FAR2: variants seen among roughly 807,000 people sequenced by gnomAD.
FAR2 encodes the protein fatty acyl-CoA reductase 2.
Under a neutral mutation model 56.0 loss-of-function variants are expected in FAR2, and 19 were observed. The ratio of observed to expected loss-of-function variants is 0.34; its 90% confidence interval spans 0.24 to 0.50. FAR2 has a LOEUF of 0.50. Ranked by LOEUF, FAR2 falls within the 20% of genes least tolerant of loss-of-function variation. The pLI is 0.98. For synonymous variants in FAR2, 219 were observed against 218.8 expected, an observed-to-expected ratio of 1.00 and a Z score of -0.01; for missense variants, 508 against 642.2, an observed-to-expected ratio of 0.79 and a Z score of 2.26.
At chr12:29,233,019 C>A (rs866026923) in intron 1 of FAR2, among the ~76,000 whole-genome samples, 5 of 152,140 alleles carry the variant, frequency 3.3e-5, no homozygotes, top group South Asian at 2.1e-4. Flanking sequence ...TATTCTCTGA[C>A]CTTATTCAGT....
chr12:29,228,831 G>A (rs1028577374), intron 1 of FAR2, among the ~76,000 whole-genome samples: 3 of 152,116 alleles, frequency 2.0e-5, no homozygotes, highest in Non-Finnish European at 2.9e-5. Context: ...CAAGTGATCC[G>A]CTGGCCTTGC....
intron 1 of FAR2, among the ~76,000 whole-genome samples, chr12:29,173,401 G>A (rs1003565718): frequency 5.1e-4 from 78 of 152,136 alleles, no homozygotes; most frequent in Admixed American, 4.5e-3. Context: ...CTGAGAGGTC[G>A]TCTAGTGGGA....
chr12:29,328,177 GA>G (rs1289784248), intron 10 of FAR2, among the ~76,000 whole-genome samples: 1 of 152,118 alleles, frequency 6.6e-6, no homozygotes, highest in Non-Finnish European at 1.5e-5. Flanking sequence ...CTGGCCATCA[GA>G]GAAATGCAAA....
intron 1 of FAR2, among the ~76,000 whole-genome samples, chr12:29,260,974 A>G (rs1354505787): frequency 1.3e-5 from 2 of 152,222 alleles, no homozygotes; most frequent in Non-Finnish European, 2.9e-5. Context: ...GTGACAAAAG[A>G]CATAGATCAC....
At chr12:29,201,104 A>G (rs1412838586) in intron 1 of FAR2, among the ~76,000 whole-genome samples, 1 of 152,052 alleles carries the variant, frequency 6.6e-6, no homozygotes, top group African/African-American at 2.4e-5. Context: ...TGGATGCCCT[A>G]TACATCATCT....
At chr12:29,223,050 C>T (rs1565477270) in intron 1 of FAR2, among the ~76,000 whole-genome samples, 1 of 152,046 alleles carries the variant, frequency 6.6e-6, no homozygotes, top group African/African-American at 2.4e-5. Flanking sequence ...CAGGTACTGT[C>T]CTGAATCATT....
intron 1 of FAR2, among the ~76,000 whole-genome samples, chr12:29,266,450 T>C (rs749869425): frequency 6.6e-6 from 1 of 152,038 alleles, no homozygotes; most frequent in Non-Finnish European, 1.5e-5. Flanking sequence ...AACTAAAAAT[T>C]AAAACAATTG....
chr12:29,246,793 A>G (rs570723181), intron 1 of FAR2, among the ~76,000 whole-genome samples: 80 of 152,246 alleles, frequency 5.3e-4, no homozygotes, highest in Non-Finnish European at 7.4e-4. Flanking sequence ...ACAAATGCCT[A>G]AAACTTTTGC....
chr12:29,317,895 A>C (rs1949480709), intron 9 of FAR2: 1 of 152,680 alleles, frequency 6.5e-6, no homozygotes, highest in Non-Finnish European at 1.5e-5. Context: ...GCCGAGTCTC[A>C]AAGTCAGTAT....
rs544709604 is a variant in FAR2 at position 29,149,352 on chromosome 12, A to C, written c.-94A>C. 5 of 152,644 alleles carry C rather than the reference A, an allele frequency of 3.3e-5. No homozygotes were observed. In the East Asian group the frequency reaches 9.7e-4, roughly 29 times the overall value. The allele number at this position is 152,644 out of a possible 1,614,324, so 9.5% of individuals were successfully genotyped here. On this transcript the variant is annotated 5_prime_UTR_variant, in exon 1 of 12. Transcript: ENST00000536681. ...GGAGCGCTTCCCGTAGCCTCGGGGA[A>C]GGAGCAGGATTTAGAGGACCACTAG...
chr12:29,303,284 T>C (rs1949205871), intron 4 of FAR2, among the ~76,000 whole-genome samples: 1 of 152,210 alleles, frequency 6.6e-6, no homozygotes, highest in Non-Finnish European at 1.5e-5. Flanking sequence ...TTCATATTTA[T>C]GAGCAGGCAA....
intron 1 of FAR2, among the ~76,000 whole-genome samples, chr12:29,153,851 A>G (rs959402321): frequency 2.0e-5 from 3 of 152,160 alleles, no homozygotes; most frequent in African/African-American, 7.2e-5. Flanking sequence ...TTTAATAGAT[A>G]CTGCTAAATG....
intron 1 of FAR2, among the ~76,000 whole-genome samples, chr12:29,259,281 T>C (rs1948377808): frequency 6.6e-6 from 1 of 152,200 alleles, no homozygotes; most frequent in African/African-American, 2.4e-5. Flanking sequence ...CCGGGGATGC[T>C]GCTAAGCATC....
At chr12:29,241,579 GT>G (rs1459138961) in intron 1 of FAR2, among the ~76,000 whole-genome samples, 6 of 152,022 alleles carry the variant, frequency 3.9e-5, no homozygotes, top group Non-Finnish European at 1.5e-5. Context: ...ACACTGAGGT[GT>G]TTTTTGCAGA....
chr12:29,220,857 A>G (rs1947679191), intron 1 of FAR2, among the ~76,000 whole-genome samples: 3 of 152,148 alleles, frequency 2.0e-5, no homozygotes, highest in Admixed American at 2.0e-4. Context: ...AAGAGGGCCA[A>G]GCAGGCGACG....
intron 2 of FAR2, among the ~76,000 whole-genome samples, chr12:29,286,571 T>C (rs1948879697): frequency 1.3e-5 from 2 of 152,232 alleles, no homozygotes; most frequent in Non-Finnish European, 2.9e-5. Context: ...CTAGCCACCC[T>C]AGCTCTTTTC....
rs368769195 is a variant in FAR2, at chr12:29,213,128, T to C, written c.-38-57284T>C. Among the ~76,000 whole-genome samples the C allele has an allele frequency of 1.5e-3, 222 of 152,166 alleles. 1 individual carries two copies. The South Asian group carries it at 0.022, about 15-fold the overall frequency. ...TTTATCCCTACAGAATATCTCTGCC[T>C]TGTAAGTCTCCTATTCAGAAGCATT... On this transcript the variant is annotated intron_variant, in intron 1 of 11. Coordinates refer to ENST00000536681, the MANE Select transcript of FAR2 (RefSeq NM_001271783.2).
chr12:29,193,127 T>C (rs1950115812), intron 1 of FAR2, among the ~76,000 whole-genome samples: 1 of 152,118 alleles, frequency 6.6e-6, no homozygotes, highest in Non-Finnish European at 1.5e-5. Flanking sequence ...CAAAATTAAA[T>C]GGAAAGTTCA....
At chr12:29,333,467 T>C (rs2136834082) in intron 11 of FAR2, 165 bp from the exon 12 acceptor site, 1 of 616,030 alleles carries the variant, frequency 1.6e-6, no homozygotes, top group East Asian at 2.6e-5. Flanking sequence ...GCAAGAATGC[T>C]GTGGAAATGA....
Sources: allele counts gnomAD v4.1 joint callset (sites outside exome capture counted in the v4.1 genomes callset), GRCh38; gene constraint gnomAD v4.1.1; transcripts MANE v1.5; gene names NCBI Gene and HGNC (gene_info 2026-07-23, HGNC 2026-07-21).